Variants in FOXO3 observed in about 807,000 individuals in gnomAD.
FOXO3 encodes the protein forkhead box O3.
Under a neutral mutation model 41.9 loss-of-function variants are expected in FOXO3, and 4 were observed. The ratio of observed to expected loss-of-function variants is 0.10; its 90% CI spans 0.05 to 0.22. FOXO3 has a LOEUF of 0.22. Among genes scored for constraint, FOXO3 ranks in the 10% least tolerant of loss-of-function variants. The probability of loss-of-function intolerance (pLI) is 1.00; values close to 1 mark genes in which losing one functional copy is unlikely to be tolerated. For synonymous variants in FOXO3, 318 were observed against 389.3 expected (o/e 0.82, Z 2.16); for missense variants, 534 against 906.8 (o/e 0.59, Z 5.28).
At chr6:108,601,744 A>G (rs1422122688) in intron 1 of FOXO3, among the ~76,000 whole-genome samples, 1 of 152,220 alleles carries the variant, frequency 6.6e-6, no homozygotes, top group Non-Finnish European at 1.5e-5. Context: ...TATATCATAC[A>G]GTATATGGAT....
upstream of FOXO3, among the ~76,000 whole-genome samples, chr6:108,560,305 C>T (rs1354623501): frequency 6.6e-6 from 1 of 152,184 alleles, no homozygotes; most frequent in Non-Finnish European, 1.5e-5. Flanking sequence ...TCCCCCGGAT[C>T]CCGACTGGGA....
chr6:108,653,201 C>T (rs1267912622), intron 1 of FOXO3, among the ~76,000 whole-genome samples: 1 of 152,204 alleles, frequency 6.6e-6, no homozygotes, highest in Non-Finnish European at 1.5e-5. Flanking sequence ...AATGTTTTAT[C>T]ACATCTCATG....
chr6:108,562,639 C>T (rs975699664), intron 1 of FOXO3, among the ~76,000 whole-genome samples: 3 of 152,116 alleles, frequency 2.0e-5, no homozygotes, highest in African/African-American at 7.2e-5. Flanking sequence ...GCTTCATTCA[C>T]TCTGGCGTTT....
intron 1 of FOXO3, among the ~76,000 whole-genome samples, chr6:108,658,936 G>T (rs1375138031): frequency 6.6e-6 from 1 of 152,088 alleles, no homozygotes; most frequent in African/African-American, 2.4e-5. Flanking sequence ...CCAGGCTGGA[G>T]TGCAGTGATG....
chr6:108,597,060 A>G (rs1776906246), intron 1 of FOXO3, among the ~76,000 whole-genome samples: 1 of 152,150 alleles, frequency 6.6e-6, no homozygotes, highest in African/African-American at 2.4e-5. Flanking sequence ...TGGAGAGAAA[A>G]TTTACTCTGG....
In FOXO3 at chr6:108,670,267, C is replaced by A. The variant is rs144361476; in HGVS notation, c.*34+5378C>A. Among the ~76,000 whole-genome samples the A allele has an allele frequency of 4.6e-5, 7 of 152,210 alleles. No homozygotes were observed. In the East Asian group the frequency reaches 1.4e-3, roughly 29 times the overall value. ...ATTCTCCACCTTGCAGGAGACACCA[C>A]CTGCTTCACCCTGGTTTTGTTGATG... On this transcript the variant is annotated intron_variant, in intron 2 of 2. Coordinates refer to ENST00000406360, the MANE Select transcript of FOXO3 (RefSeq NM_001455.4).
chr6:108,624,313 A>T (rs546106573), intron 1 of FOXO3, among the ~76,000 whole-genome samples: 11 of 136,024 alleles, frequency 8.1e-5, no homozygotes, highest in African/African-American at 2.8e-4. Flanking sequence ...AATAATGGTT[A>T]AAAAAAAAAA....
In FOXO3 at chr6:108,618,310, T is replaced by C. The variant is rs1169601080; in HGVS notation, c.622-45145T>C. On this transcript the variant is annotated intron_variant, in intron 1 of 2. Coordinates refer to ENST00000406360, the MANE Select transcript of FOXO3 (RefSeq NM_001455.4). The stretch of plus-strand genomic sequence containing the variant: ...TGATGAGCACCGGTTTCTCCTCAGC[T>C]GCCGCTTCACAAAAGAGATATCAGG... The C allele has an allele frequency of 1.6e-5, 11 of 667,510 alleles. No homozygotes were observed. In the Admixed American group the frequency reaches 2.2e-4, roughly 13 times the overall value. 41.3% of individuals were successfully genotyped at this position (667,510 alleles called of 1,614,324 possible).
At chr6:108,670,572 A>G (rs1779189754) in intron 2 of FOXO3, among the ~76,000 whole-genome samples, 1 of 152,136 alleles carries the variant, frequency 6.6e-6, no homozygotes, top group Admixed American at 6.5e-5. Context: ...AGAACTTCTC[A>G]GAGCCTTAAA....
At chr6:108,626,035 G>A (rs1777806589) in intron 1 of FOXO3, among the ~76,000 whole-genome samples, 1 of 152,110 alleles carries the variant, frequency 6.6e-6, no homozygotes, top group Admixed American at 6.5e-5. Flanking sequence ...GGGTGAGCGG[G>A]GGAGCTTCAT....
chr6:108,638,039 A>C (rs1778164330), intron 1 of FOXO3, among the ~76,000 whole-genome samples: 1 of 152,240 alleles, frequency 6.6e-6, no homozygotes, highest in African/African-American at 2.4e-5. Flanking sequence ...CAAAATGGTT[A>C]AGTTAGGGTA....
At chr6:108,645,429 A>G (rs1198236205) in intron 1 of FOXO3, among the ~76,000 whole-genome samples, 1 of 143,596 alleles carries the variant, frequency 7.0e-6, no homozygotes, top group Non-Finnish European at 1.5e-5. Context: ...CCCATGATTC[A>G]TTTTTTTTGT....
At chr6:108,603,712 G>A (rs992137936) in intron 1 of FOXO3, among the ~76,000 whole-genome samples, 11 of 152,064 alleles carry the variant, frequency 7.2e-5, no homozygotes, top group African/African-American at 2.7e-4. Context: ...CATTGTTGGG[G>A]TTTTGGGTAG....
intron 1 of FOXO3, among the ~76,000 whole-genome samples, chr6:108,572,891 G>A (rs1219503548): frequency 6.6e-6 from 1 of 152,060 alleles, no homozygotes; most frequent in Non-Finnish European, 1.5e-5. Flanking sequence ...AACTTGCTTG[G>A]GATCCAAACC....
intron 1 of FOXO3, among the ~76,000 whole-genome samples, chr6:108,605,183 A>G (rs540161993): frequency 3.1e-4 from 47 of 152,192 alleles, no homozygotes; most frequent in African/African-American, 1.1e-3. Flanking sequence ...CAGTGGCACA[A>G]TCTCAGCTCA....
intron 1 of FOXO3, among the ~76,000 whole-genome samples, chr6:108,641,066 C>T (rs767022830): frequency 9.2e-5 from 14 of 152,026 alleles, no homozygotes; most frequent in Admixed American, 1.3e-4. Flanking sequence ...CACCCCACTA[C>T]GCCCGGCTAA....
chr6:108,627,127 A>G (rs1582792889), intron 1 of FOXO3, among the ~76,000 whole-genome samples: 1 of 152,188 alleles, frequency 6.6e-6, no homozygotes, highest in South Asian at 2.1e-4. Context: ...AGTGGCTTGG[A>G]AATGGGAAGT....
chr6:108,657,276 C>T (rs548979732), intron 1 of FOXO3, among the ~76,000 whole-genome samples: 3 of 152,298 alleles, frequency 2.0e-5, no homozygotes, highest in African/African-American at 7.2e-5. Context: ...GTACATTTGT[C>T]CCTGAAGCTG....
chr6:108,640,450 A>G (rs181486534), intron 1 of FOXO3, among the ~76,000 whole-genome samples: 161 of 152,360 alleles, frequency 1.1e-3, no homozygotes, highest in African/African-American at 3.6e-3. Flanking sequence ...TTGATGAACT[A>G]AACTTTTACT....
Sources: allele counts gnomAD v4.1 joint callset (sites outside exome capture counted in the v4.1 genomes callset), GRCh38; gene constraint gnomAD v4.1.1; transcripts MANE v1.5; gene names NCBI Gene and HGNC (gene_info 2026-07-23, HGNC 2026-07-21).